Variants in FSTL4 observed in about 807,000 individuals in gnomAD.
FSTL4 encodes the protein follistatin like 4.
A neutral mutation model predicts 78.2 loss-of-function variants in FSTL4; 28 were observed. The observed-to-expected ratio is 0.36, with a 90% CI of 0.27 to 0.49. The LOEUF is 0.49. Ranked by LOEUF, FSTL4 falls within the 20% of genes least tolerant of loss-of-function variation. FSTL4 has a pLI of 0.98. For missense variants in FSTL4, 922 were observed against 1,084.9 expected (o/e 0.85, Z 2.11); for synonymous variants, 422 against 440.5 (o/e 0.96, Z 0.53).
intron 3 of FSTL4, among the ~76,000 whole-genome samples, chr5:133,558,535 G>A (rs1759844485): frequency 6.6e-6 from 1 of 152,144 alleles, no homozygotes; most frequent in Non-Finnish European, 1.5e-5. Flanking sequence ...TCTCCATGGA[G>A]CCAGTGCCCA....
the FSTL4 span, among the ~76,000 whole-genome samples, chr5:133,747,872 G>A: frequency 6.6e-6 from 1 of 151,984 alleles, no homozygotes; most frequent in Non-Finnish European, 1.5e-5. Flanking sequence ...TGATGGGTGG[G>A]GATCAAATGG....
At chr5:133,373,731 C>G (rs2126946030) in intron 4 of FSTL4, among the ~76,000 whole-genome samples, 1 of 152,294 alleles carries the variant, frequency 6.6e-6, no homozygotes, top group Non-Finnish European at 1.5e-5. Flanking sequence ...GTTGGGGCCA[C>G]AGTGCACCCT....
intron 4 of FSTL4, among the ~76,000 whole-genome samples, chr5:133,334,825 C>T (rs1325134474): frequency 2.0e-5 from 3 of 152,138 alleles, no homozygotes; most frequent in Non-Finnish European, 4.4e-5. Context: ...CCATCCTGGG[C>T]TGGGCATCCC....
At chr5:133,644,439 C>T in the FSTL4 span, among the ~76,000 whole-genome samples, 1 of 152,128 alleles carries the variant, frequency 6.6e-6, no homozygotes, top group Admixed American at 6.5e-5. Flanking sequence ...TTAGCCCCTG[C>T]TCTCTGCAAG....
chr5:133,810,506 T>C, the FSTL4 span, among the ~76,000 whole-genome samples: 17 of 152,082 alleles, frequency 1.1e-4, no homozygotes, highest in Non-Finnish European at 2.2e-4. Context: ...CAGGGACACA[T>C]ACAAGGCATG....
intron 3 of FSTL4, among the ~76,000 whole-genome samples, chr5:133,413,674 T>C (rs1756523698): frequency 6.6e-6 from 1 of 152,210 alleles, no homozygotes; most frequent in African/African-American, 2.4e-5. Flanking sequence ...ATTAGAAATA[T>C]GCTACAAATT....
In FSTL4 at chr5:133,527,750, A is replaced by C. The variant is rs149534613; in HGVS notation, c.160+39436T>G. Among the ~76,000 whole-genome samples, 302 of 152,316 alleles carry C rather than the reference A, an allele frequency of 2.0e-3. 2 individuals carry two copies. Among genetic ancestry groups the C allele is most frequent in the African/African-American group, 6.8e-3 (282 of 41,558 alleles). On this transcript the variant is annotated intron_variant, in intron 3 of 15. Transcript: ENST00000265342. ...GGTGAAGGTGCAAAAGACACATCAC[A>C]CACAGACTGAGCTATGGAGTGATAA...
At chr5:133,334,630 T>C (rs1484915423) in intron 4 of FSTL4, among the ~76,000 whole-genome samples, 1 of 152,226 alleles carries the variant, frequency 6.6e-6, no homozygotes, top group Admixed American at 6.5e-5. Flanking sequence ...ATATGTTTAT[T>C]TAAAAAAGGT....
intron 4 of FSTL4, among the ~76,000 whole-genome samples, chr5:133,352,441 G>A (rs186063709): frequency 9.0e-4 from 134 of 149,306 alleles, no homozygotes; most frequent in African/African-American, 3.2e-3. Context: ...ACAAGTTCTC[G>A]CTTTGTCACC....
chr5:133,380,259 CAA>C (rs59233042), intron 4 of FSTL4, among the ~76,000 whole-genome samples: 1 of 144,680 alleles, frequency 6.9e-6, no homozygotes, highest in Non-Finnish European at 1.5e-5. Flanking sequence ...TTGGTTCTTT[CAA>C]AAAAAAAAAT....
Position 133,218,964 on chromosome 5 carries a change from A to T in FSTL4, c.1459-1586T>A, listed in dbSNP as rs1342193853. 2.6e-5 allele frequency among the ~76,000 whole-genome samples: 4 copies of T among 152,236 alleles called. No individual in the cohort carries two copies. In the East Asian group the frequency reaches 7.7e-4, roughly 29 times the overall value. ...GCCTGGCACAGAGTCAGTGCTTAAA[A>T]TGTATTTGCTGACAGAATAAATGAG... On this transcript the variant is annotated intron_variant, in intron 12 of 15. Coordinates refer to ENST00000265342, the MANE Select transcript of FSTL4 (RefSeq NM_015082.2).
chr5:133,737,464 T>C, the FSTL4 span, among the ~76,000 whole-genome samples: 1 of 152,236 alleles, frequency 6.6e-6, no homozygotes, highest in South Asian at 2.1e-4. Context: ...TGAATAGTCC[T>C]CCACTGTGTA....
chr5:133,381,111 T>C (rs761903519), intron 4 of FSTL4, among the ~76,000 whole-genome samples: 1 of 152,022 alleles, frequency 6.6e-6, no homozygotes, highest in Non-Finnish European at 1.5e-5. Context: ...TGGGAAAGAG[T>C]ATGGTGATAT....
At chr5:133,209,913 G>C in intron 14 of FSTL4, 1 of 314,150 alleles carries the variant, frequency 3.2e-6, no homozygotes, top group Non-Finnish European at 6.0e-6. Context: ...AGGAGCTATT[G>C]GCTCAAGAGA....
At chr5:133,227,364 T>C (rs142028388) in intron 8 of FSTL4, among the ~76,000 whole-genome samples, 115 of 152,332 alleles carry the variant, frequency 7.5e-4, no homozygotes, top group Middle Eastern at 3.4e-3. Context: ...TGTGTAGCTC[T>C]CTTCTCTGAC....
Position 133,440,053 on chromosome 5 carries a change from C to A in FSTL4, c.161-39067G>T, listed in dbSNP as rs1440320732. 1.3e-5 allele frequency among the ~76,000 whole-genome samples: 2 copies of A among 152,202 alleles called. No individual in the cohort carries two copies. The highest frequency in any genetic ancestry group is 3.9e-4 in the East Asian group (2 of 5,180). ...TGAGCAGAGCCCTGGGGGTGGGGGACATGCTGGGGTCGGGAGGAAGGAAAG... is the reference window on the plus strand; with the variant it reads ...TGAGCAGAGCCCTGGGGGTGGGGGAAATGCTGGGGTCGGGAGGAAGGAAAG... On this transcript the variant is annotated intron_variant, in intron 3 of 15. Coordinates refer to ENST00000265342, the MANE Select transcript of FSTL4 (RefSeq NM_015082.2). This position sits in a 1 kb window ranked among gnomAD's most constrained non-coding sequence, Gnocchi z 4.1.
intron 3 of FSTL4, among the ~76,000 whole-genome samples, chr5:133,536,106 C>G (rs1034415424): frequency 6.6e-6 from 1 of 152,132 alleles, no homozygotes; most frequent in East Asian, 1.9e-4. Context: ...GAGCACATGA[C>G]GGAAAGGCAT....
At chr5:133,832,559 T>C in the FSTL4 span, among the ~76,000 whole-genome samples, 3 of 152,254 alleles carry the variant, frequency 2.0e-5, no homozygotes, top group Non-Finnish European at 4.4e-5. Context: ...CTCAGCCAGA[T>C]ACTAGGTAGG....
chr5:133,253,937 C>T (rs1373304922), intron 6 of FSTL4, among the ~76,000 whole-genome samples: 1 of 152,180 alleles, frequency 6.6e-6, no homozygotes, highest in Admixed American at 6.5e-5. Flanking sequence ...TGCTGCTCAT[C>T]CATTCTGAGC....
Sources: allele counts gnomAD v4.1 joint callset (sites outside exome capture counted in the v4.1 genomes callset), GRCh38; gene constraint gnomAD v4.1.1; non-coding constraint Gnocchi (gnomAD v3.1); transcripts MANE v1.5; gene names NCBI Gene and HGNC (gene_info 2026-07-23, HGNC 2026-07-21).